The following RARB variants were observed in gnomAD, a reference collection of about 807,000 sequenced individuals.
The protein encoded by RARB is HBV-activated protein.
In RARB, 17 loss-of-function variants were observed where a neutral mutation model predicts 51.9. The observed-to-expected ratio is 0.33, with a 90% CI of 0.22 to 0.49. The LOEUF (loss-of-function observed/expected upper bound fraction) is 0.49. Among genes scored for constraint, RARB ranks in the 20% least tolerant of loss-of-function variants. RARB has a pLI of 0.99. For synonymous variants in RARB, 215 were observed against 195.4 expected, an observed-to-expected ratio of 1.10 and a Z score of -0.84; for missense variants, 369 against 550.8, an observed-to-expected ratio of 0.67 and a Z score of 3.30.
At chr3:25,182,363 A>C (rs1376673049) in intron 5 of RARB, among the ~76,000 whole-genome samples, 1 of 152,210 alleles carries the variant, frequency 6.6e-6, no homozygotes, top group Non-Finnish European at 1.5e-5. Context: ...GGTACTGGGC[A>C]TGGTGCTGGG....
chr3:25,580,901 G>T (rs1354176862), intron 5 of RARB, among the ~76,000 whole-genome samples, 179 bp downstream of exon 5: 1 of 152,182 alleles, frequency 6.6e-6, no homozygotes, highest in Admixed American at 6.5e-5. Flanking sequence ...TGTGAAATGG[G>T]CTGAATTCCC....
chr3:25,592,832 T>G (rs1701662705), intron 5 of RARB, among the ~76,000 whole-genome samples: 1 of 152,184 alleles, frequency 6.6e-6, no homozygotes, highest in South Asian at 2.1e-4. Context: ...GAGCTTTCCT[T>G]TTTCTGAACT....
intron 5 of RARB, among the ~76,000 whole-genome samples, chr3:25,315,972 G>A (rs1704413825): frequency 6.6e-6 from 1 of 152,018 alleles, no homozygotes; most frequent in African/African-American, 2.4e-5. Flanking sequence ...TAAAATATTT[G>A]TAACTACTTG....
At chr3:25,109,162 A>G (rs1239215114) in intron 3 of RARB, among the ~76,000 whole-genome samples, 1 of 152,238 alleles carries the variant, frequency 6.6e-6, no homozygotes, top group African/African-American at 2.4e-5. Flanking sequence ...TAAGCGTTCA[A>G]ATGGGTAGGT....
At chr3:24,951,899 A>C (rs1695901153) in intron 2 of RARB, among the ~76,000 whole-genome samples, 1 of 152,188 alleles carries the variant, frequency 6.6e-6, no homozygotes, top group Admixed American at 6.5e-5. Flanking sequence ...AGTTTCTGCA[A>C]ATTTGGATTA....
chr3:25,301,815 T>C (rs1042856763), intron 5 of RARB, among the ~76,000 whole-genome samples: 4 of 152,184 alleles, frequency 2.6e-5, no homozygotes, highest in African/African-American at 7.2e-5. Context: ...TCTGAGAAAG[T>C]ATCTTTGGCA....
At chr3:25,230,415 C>G (rs1419024562) in intron 5 of RARB, among the ~76,000 whole-genome samples, 1 of 152,002 alleles carries the variant, frequency 6.6e-6, no homozygotes, top group African/African-American at 2.4e-5. Flanking sequence ...CCCCAAATCT[C>G]AGGGAGCTAG....
chr3:25,539,318 A>G (rs192264463), intron 3 of RARB, among the ~76,000 whole-genome samples: 1 of 152,274 alleles, frequency 6.6e-6, no homozygotes, highest in Admixed American at 6.5e-5. Context: ...CCCCACCTCT[A>G]CCTATTTAAC....
intron 5 of RARB, among the ~76,000 whole-genome samples, chr3:25,252,317 T>C (rs539052439): frequency 6.6e-6 from 1 of 152,306 alleles, no homozygotes; most frequent in East Asian, 1.9e-4. Context: ...TTGAAGATTG[T>C]TTTGGCTATT....
intron 5 of RARB, among the ~76,000 whole-genome samples, chr3:25,302,440 A>C (rs572650663): frequency 6.6e-6 from 1 of 152,370 alleles, no homozygotes; most frequent in East Asian, 1.9e-4. Context: ...AAAAAAATGA[A>C]GTGCCGATAC....
intron 5 of RARB, among the ~76,000 whole-genome samples, chr3:25,233,319 C>A (rs1702226964): frequency 6.6e-6 from 1 of 152,092 alleles, no homozygotes. Context: ...CAGAACATAA[C>A]CCCATCATAA....
In RARB at chr3:25,187,868, G is replaced by T. The variant is rs529079398; in HGVS notation, c.178+13293G>T. 2.0e-5 allele frequency among the ~76,000 whole-genome samples: 3 copies of T among 152,154 alleles called. No individual in the cohort carries two copies. The South Asian group carries it at 6.2e-4, about 32-fold the overall frequency. On this transcript the variant is annotated intron_variant, in intron 5 of 11. Transcript: ENST00000383772. ...ATGAATTTATTCATAATAAATAAATGTTTTAGTGTGTTTGAGACAACACAG... is the reference window on the plus strand; with the variant it reads ...ATGAATTTATTCATAATAAATAAATTTTTTAGTGTGTTTGAGACAACACAG...
intron 4 of RARB, among the ~76,000 whole-genome samples, chr3:25,143,931 T>C (rs1700148604): frequency 6.6e-6 from 1 of 152,164 alleles, no homozygotes; most frequent in Non-Finnish European, 1.5e-5. Flanking sequence ...CTAGAAATAC[T>C]CATTTCCTTT....
At chr3:24,892,805 A>T (rs1431575768) in intron 2 of RARB, among the ~76,000 whole-genome samples, 2 of 152,190 alleles carry the variant, frequency 1.3e-5, no homozygotes, top group African/African-American at 4.8e-5. Context: ...TACCCCTCAA[A>T]CATCTTAAAT....
chr3:25,142,864 T>A (rs1700131377), intron 4 of RARB, among the ~76,000 whole-genome samples: 1 of 152,110 alleles, frequency 6.6e-6, no homozygotes, highest in South Asian at 2.1e-4. Context: ...ATTGCCGTCT[T>A]CAGTAAACAA....
chr3:25,216,948 T>C (rs986453782), intron 5 of RARB, among the ~76,000 whole-genome samples: 14 of 152,102 alleles, frequency 9.2e-5, no homozygotes, highest in South Asian at 2.1e-4. Context: ...ATGTATTTTT[T>C]ACAAATTGGT....
At position 24,948,147 on chromosome 3, in the gene RARB, A is replaced by G. The variant is rs145324749; in HGVS notation, c.-380+89395A>G. Among the ~76,000 whole-genome samples, 1,118 of 152,250 alleles carry G rather than the reference A, an allele frequency of 7.3e-3. 4 individuals are homozygous for G. The highest frequency in any genetic ancestry group is 0.012 in the Non-Finnish European group (797 of 67,998). On this transcript the variant is annotated intron_variant, in intron 2 of 11. Transcript: ENST00000383772. ...GTGCTCAGATTACTTCAGACCATTG[A>G]AAGGGTCTTTGAGTAGGAAGCACTG...
At chr3:24,961,119 A>G (rs1401031157) in intron 2 of RARB, among the ~76,000 whole-genome samples, 2 of 152,246 alleles carry the variant, frequency 1.3e-5, no homozygotes, top group East Asian at 1.9e-4. Context: ...TTCTGTCATT[A>G]TAAGTTACTT....
intron 2 of RARB, among the ~76,000 whole-genome samples, chr3:25,059,958 G>A (rs1698515426): frequency 6.6e-6 from 1 of 151,676 alleles, no homozygotes. Context: ...ACTAGAAATC[G>A]TAAATAGAAA....
Sources: allele counts gnomAD v4.1 joint callset (sites outside exome capture counted in the v4.1 genomes callset), GRCh38; gene constraint gnomAD v4.1.1; transcripts MANE v1.5; gene names NCBI Gene and HGNC (gene_info 2026-07-23, HGNC 2026-07-21).